Variants in CDK5RAP2 observed in about 807,000 individuals in gnomAD.
CDK5RAP2 encodes the protein CDK5 regulatory subunit associated protein 2.
CDK5RAP2 carries 147 observed loss-of-function variants against 232.9 expected under a neutral mutation model. That is an observed-to-expected ratio of 0.63 (90% CI 0.55 to 0.72). The LOEUF is 0.72. Ranked by LOEUF, CDK5RAP2 falls within the 30% of genes least tolerant of loss-of-function variation. The pLI, the probability that CDK5RAP2 is intolerant of heterozygous loss-of-function variation, is 0.00. For synonymous variants in CDK5RAP2, 833 were observed against 833.7 expected, an observed-to-expected ratio of 1.00 and a Z score of 0.01; for missense variants, 2,195 against 2,231.5, an observed-to-expected ratio of 0.98 and a Z score of 0.33.
chr9:120,453,929 C>T, intron 20 of CDK5RAP2, 56 bp from the exon 21 acceptor site: 3 of 1,556,010 alleles, frequency 1.9e-6, no homozygotes, highest in East Asian at 2.2e-5. Context: ...TAGGCCTTGT[C>T]CCCTAGCCAG....
intron 12 of CDK5RAP2, among the ~76,000 whole-genome samples, chr9:120,503,384 A>T (rs561366369): frequency 1.3e-5 from 2 of 152,274 alleles, no homozygotes; most frequent in South Asian, 4.2e-4. Flanking sequence ...CCTGAAGAAG[A>T]GTGCTGCCAT....
intron 34 of CDK5RAP2, among the ~76,000 whole-genome samples, chr9:120,401,610 CAAAA>C (rs142588120): frequency 5.5e-4 from 34 of 61,542 alleles, no homozygotes; most frequent in African/African-American, 1.9e-3. Context: ...GACCCTGTCT[CAAAA>C]AAAAAAAAAA....
intron 4 of CDK5RAP2, among the ~76,000 whole-genome samples, chr9:120,550,571 G>A (rs1464592261): frequency 6.6e-6 from 1 of 152,192 alleles, no homozygotes; most frequent in Non-Finnish European, 1.5e-5. Flanking sequence ...TCTGAATTCT[G>A]ATTTTTAAAA....
intron 5 of CDK5RAP2, among the ~76,000 whole-genome samples, chr9:120,545,233 A>T (rs2041793269): frequency 2.0e-5 from 3 of 152,238 alleles, no homozygotes; most frequent in African/African-American, 7.2e-5. Context: ...TACAACAGTA[A>T]GAATTGAACT....
chr9:120,566,447 T>A (rs1378741891), intron 3 of CDK5RAP2, among the ~76,000 whole-genome samples: 1 of 152,202 alleles, frequency 6.6e-6, no homozygotes, highest in Admixed American at 6.5e-5. Context: ...AGGCTCTCCC[T>A]CACCTTCAAG....
chr9:120,482,246 A>C (rs1261916022), intron 14 of CDK5RAP2, among the ~76,000 whole-genome samples: 1 of 152,230 alleles, frequency 6.6e-6, no homozygotes, highest in African/African-American at 2.4e-5. Context: ...CCAGTATCTT[A>C]ACAGGACCTC....
chr9:120,466,354 C>A (rs1429573197), intron 18 of CDK5RAP2, among the ~76,000 whole-genome samples: 3 of 152,222 alleles, frequency 2.0e-5, no homozygotes, highest in Non-Finnish European at 2.9e-5. Context: ...AATGGGCACA[C>A]CACCTTTCCC....
At chr9:120,467,722 T>C in intron 18 of CDK5RAP2, 138 bp downstream of exon 18, 2 of 846,652 alleles carry the variant, frequency 2.4e-6, no homozygotes, top group East Asian at 2.6e-5. Flanking sequence ...CACAGCTCAC[T>C]GCAGCCTCAA....
Position 120,486,409 on chromosome 9 carries a change from T to A in CDK5RAP2, c.1626+885A>T, listed in dbSNP as rs115117888. ...CTTAATTTAAGCCAGGTTTTTCTTT[T>A]AAAAAAAAAAAAAAAAAAAAACCTG... is the stretch of plus-strand genomic sequence containing the variant. On this transcript the variant is annotated intron_variant, in intron 14 of 37. Coordinates refer to ENST00000349780, the MANE Select transcript of CDK5RAP2 (RefSeq NM_018249.6). 3.4e-3 allele frequency among the ~76,000 whole-genome samples: 448 copies of A among 132,948 alleles called. 7 individuals are homozygous for A. The highest frequency in any genetic ancestry group is 2.5e-3 in the Non-Finnish European group (150 of 60,466). 87.2% of individuals were successfully genotyped at this position (132,948 alleles called of 152,430 possible). A position where few individuals can be genotyped will look rare whatever the true frequency, so the allele number is the denominator to read the frequency against.
chr9:120,573,150 T>G (rs1433580702), intron 1 of CDK5RAP2, among the ~76,000 whole-genome samples: 1 of 152,232 alleles, frequency 6.6e-6, no homozygotes, highest in East Asian at 1.9e-4. Flanking sequence ...TAGGATAATT[T>G]TGCCTGACCA....
chr9:120,392,671 C>T (rs1465485319), intron 36 of CDK5RAP2, among the ~76,000 whole-genome samples: 1 of 152,228 alleles, frequency 6.6e-6, no homozygotes, highest in East Asian at 1.9e-4. Context: ...CTTAACAGGA[C>T]CACAGCTGGC....
At chr9:120,429,958 A>G (rs901270547) in intron 25 of CDK5RAP2, among the ~76,000 whole-genome samples, 23 of 152,230 alleles carry the variant, frequency 1.5e-4, no homozygotes, top group Non-Finnish European at 2.5e-4. Flanking sequence ...ATAATGCCGC[A>G]TATCTACAAC....
intron 31 of CDK5RAP2, 66 bp from the exon 32 acceptor site, chr9:120,407,314 C>A: frequency 8.1e-7 from 1 of 1,227,114 alleles, no homozygotes; most frequent in Non-Finnish European, 1.2e-6. Context: ...ATCGAAGGAA[C>A]TCAATCGCAT....
At chr9:120,451,851 TTATATATATTATATATTATATATATAA>T in intron 21 of CDK5RAP2, among the ~76,000 whole-genome samples, 1 of 147,762 alleles carries the variant, frequency 6.8e-6, no homozygotes, top group Admixed American at 6.8e-5. Flanking sequence ...TTAAATGAGA[TTATATATATTATATATTATATATATAA>T]TATATATACA....
intron 14 of CDK5RAP2, among the ~76,000 whole-genome samples, chr9:120,477,729 C>A (rs992149075): frequency 6.6e-6 from 1 of 152,074 alleles, no homozygotes; most frequent in Non-Finnish European, 1.5e-5. Context: ...TGGGATTAGC[C>A]CATCATGAGT....
chr9:120,462,413 A>G (rs1478998437), intron 18 of CDK5RAP2, among the ~76,000 whole-genome samples: 1 of 152,052 alleles, frequency 6.6e-6, no homozygotes, highest in Non-Finnish European at 1.5e-5. Context: ...ATGACTCAGG[A>G]ATTCTACTCA....
chr9:120,515,633 GACAA>G (rs1470469635), intron 12 of CDK5RAP2, among the ~76,000 whole-genome samples: 1 of 152,130 alleles, frequency 6.6e-6, no homozygotes, highest in Non-Finnish European at 1.5e-5. Context: ...CAGCCTTTTG[GACAA>G]ACAATTTGGC....
At chr9:120,503,831 T>C (rs1487690496) in intron 12 of CDK5RAP2, among the ~76,000 whole-genome samples, 1 of 152,034 alleles carries the variant, frequency 6.6e-6, no homozygotes, top group Non-Finnish European at 1.5e-5. Context: ...TTTCCTCACA[T>C]GGCCATGGCA....
chr9:120,455,141 C>T (rs952928457), intron 20 of CDK5RAP2, among the ~76,000 whole-genome samples: 5 of 152,056 alleles, frequency 3.3e-5, no homozygotes, highest in Admixed American at 6.6e-5. Context: ...GAGAAACATA[C>T]GTAAACAAAC....
Sources: allele counts gnomAD v4.1 joint callset (sites outside exome capture counted in the v4.1 genomes callset), GRCh38; gene constraint gnomAD v4.1.1; transcripts MANE v1.5; gene names NCBI Gene and HGNC (gene_info 2026-07-23, HGNC 2026-07-21).